Variants in CYP2U1 observed in about 807,000 individuals in gnomAD.
CYP2U1 encodes the protein cytochrome P450 family 2 subfamily U member 1.
In CYP2U1, 28 loss-of-function variants were observed where a neutral mutation model predicts 42.8. The ratio of observed to expected loss-of-function variants is 0.65; its 90% CI spans 0.48 to 0.90. The LOEUF is 0.90. CYP2U1 is among the 40% of genes least tolerant of loss of function. CYP2U1 has a pLI of 0.00. For synonymous variants in CYP2U1, 296 were observed against 278.9 expected, an observed-to-expected ratio of 1.06 and a Z score of -0.61; for missense variants, 642 against 693.8, an observed-to-expected ratio of 0.93 and a Z score of 0.84.
intron 1 of CYP2U1, among the ~76,000 whole-genome samples, chr4:107,941,537 G>A (rs972658858): frequency 6.6e-6 from 1 of 151,606 alleles, no homozygotes; most frequent in African/African-American, 2.4e-5. Context: ...GGGTAAAAAA[G>A]CAAGCAAATG....
chr4:107,945,727 T>A, intron 2 of CYP2U1, 122 bp downstream of exon 2: 2 of 1,271,836 alleles, frequency 1.6e-6, no homozygotes, highest in Non-Finnish European at 2.1e-6. Flanking sequence ...AAACAAATAC[T>A]TGCAACTCAT....
chr4:107,947,588 C>T (rs1269447030), intron 3 of CYP2U1, 51 bp downstream of exon 3: 11 of 1,596,778 alleles, frequency 6.9e-6, no homozygotes, highest in Non-Finnish European at 9.4e-6. Context: ...GCAGGGCCCT[C>T]TAATCCAGGG....
At chr4:107,934,259 C>T (rs1016802771) in intron 1 of CYP2U1, among the ~76,000 whole-genome samples, 1 of 151,636 alleles carries the variant, frequency 6.6e-6, no homozygotes, top group Non-Finnish European at 1.5e-5. Flanking sequence ...TGCTTCCCTA[C>T]CCTGCAGAAG....
At chr4:107,932,451 G>T (rs1733049898) in intron 1 of CYP2U1, among the ~76,000 whole-genome samples, 2 of 152,208 alleles carry the variant, frequency 1.3e-5, no homozygotes, top group African/African-American at 4.8e-5. Context: ...TCCAAAAGTA[G>T]CCTTCCCTTC....
chr4:107,945,252 G>T lies in CYP2U1; in HGVS notation c.773G>T (p.Gly258Val), dbSNP rs1733655299. The T allele has an allele frequency of 6.2e-7, 1 of 1,613,886 alleles. No homozygotes were observed. ...AAAATGCTTGGTTTTATGTCACGAG[G>T]CCTAGAAATCTGTCTGAACAGTCAA... is the stretch of plus-strand genomic sequence containing the variant. ...FKKMLGFMSR[G>V]LEICLNSQVL... Residue 258 changes from glycine to valine, a missense_variant, in exon 2 of 5, where the codon GGC becomes GTC. Transcript: ENST00000332884.
intron 1 of CYP2U1, 43 bp downstream of exon 1, chr4:107,932,176 A>C: frequency 1.3e-6 from 2 of 1,569,876 alleles, no homozygotes; most frequent in Non-Finnish European, 1.7e-6. Flanking sequence ...GATGCCGCGG[A>C]TGAGTCTCCA....
At chr4:107,948,436 C>A (rs1733788675) in intron 3 of CYP2U1, among the ~76,000 whole-genome samples, 1 of 151,670 alleles carries the variant, frequency 6.6e-6, no homozygotes, top group Non-Finnish European at 1.5e-5. Flanking sequence ...TGGTGGCACA[C>A]TTCTGTAGTC....
At position 107,947,619 on chromosome 4, in the gene CYP2U1, G is replaced by T. The variant is rs1733747517; in HGVS notation, c.1288+82G>T. 8 of 1,384,254 alleles carry T rather than the reference G, an allele frequency of 5.8e-6. No homozygotes were observed. The East Asian group carries it at 1.8e-4, about 32-fold the overall frequency. The allele number at this position is 1,384,254 out of a possible 1,614,324, so 85.7% of individuals were successfully genotyped here. On this transcript the variant is annotated intron_variant, in intron 3 of 4. Coordinates refer to ENST00000332884, the MANE Select transcript of CYP2U1 (RefSeq NM_183075.3). ...CAGGGTAGTTGAGGTGAGGGGTGTG[G>T]TGACTGTTGTCTAGCTTGATCCTTC...
intron 2 of CYP2U1, 106 bp from the exon 3 acceptor site, chr4:107,947,270 C>A: frequency 2.1e-6 from 2 of 971,154 alleles, no homozygotes; most frequent in Non-Finnish European, 3.1e-6. Context: ...GCCTGAACTG[C>A]CAACTGACCA....
At chr4:107,933,218 A>G (rs1216295650) in intron 1 of CYP2U1, among the ~76,000 whole-genome samples, 3 of 152,222 alleles carry the variant, frequency 2.0e-5, no homozygotes, top group South Asian at 2.1e-4. Context: ...AGAAAGTCTC[A>G]GTTTTGCAAG....
intron 1 of CYP2U1, among the ~76,000 whole-genome samples, chr4:107,933,964 T>C (rs6851693): frequency 6.6e-5 from 10 of 152,296 alleles, no homozygotes; most frequent in African/African-American, 2.2e-4. Context: ...ATTCATCCAT[T>C]GATAGACACT....
chr4:107,949,184 G>A (rs545004776), intron 3 of CYP2U1, among the ~76,000 whole-genome samples, 166 bp from the exon 4 acceptor site: 2 of 152,238 alleles, frequency 1.3e-5, no homozygotes, highest in East Asian at 1.9e-4. Context: ...GGAGAGGGAT[G>A]CCAGTTGGTA....
In CYP2U1 at chr4:107,947,398, A is replaced by T. The variant is rs1560702327; in HGVS notation, c.1149A>T (p.Glu383Asp). The T allele has an allele frequency of 6.2e-7, 1 of 1,614,090 alleles. No individual in the cohort carries two copies. The change falls in exon 3 of 5, where the codon GAA becomes GAT. Residue 383 changes from glutamate to aspartate, a missense_variant. By Grantham distance (45) the Glu-to-Asp change is conservative. Transcript: ENST00000332884. ...TAGAAAAGGTTCATGAAGAAATTGA[A>T]AGAGTCATTGGCGCCAACCGAGCTC... Reference protein sequence around the residue: ...DVQEKVHEEIERVIGANRAPS... With the variant: ...DVQEKVHEEIDRVIGANRAPS...
intron 1 of CYP2U1, chr4:107,939,160 C>CAAA (rs1260367367): frequency 3.3e-5 from 5 of 152,098 alleles, no homozygotes; most frequent in Admixed American, 2.0e-4. Context: ...GGCTCCGTCT[C>CAAA]AAAAAAATAA....
At position 107,949,376 on chromosome 4, in the gene CYP2U1, G is replaced by T; in HGVS notation, c.1315G>T (p.Gly439Cys). Residue 439 changes from glycine to cysteine, a missense_variant, in exon 4 of 5, where the codon GGC becomes TGC. By Grantham distance (159) the Gly-to-Cys change is radical. Transcript: ENST00000332884. Reference sequence around the variant, plus strand: ...GCTCCAAGGGTATACCATTCCTAAAGGCACATTGATCTTACCCAACCTGTG... The same window carrying T: ...GCTCCAAGGGTATACCATTCCTAAATGCACATTGATCTTACCCAACCTGTG... ...TVLQGYTIPK[G>C]TLILPNLWSV... The T allele has an allele frequency of 6.3e-7, 1 of 1,577,590 alleles. No homozygotes were observed. Among genetic ancestry groups the T allele is most frequent in the Non-Finnish European group, 8.6e-7 (1 of 1,162,792 alleles).
chr4:107,944,096 G>A (rs745820040), intron 1 of CYP2U1, among the ~76,000 whole-genome samples: 4 of 152,150 alleles, frequency 2.6e-5, no homozygotes, highest in Admixed American at 6.5e-5. Context: ...TTCTAATCTA[G>A]TTGGGCTATT....
chr4:107,949,899 G>A (rs1356512417), intron 4 of CYP2U1, among the ~76,000 whole-genome samples: 1 of 152,098 alleles, frequency 6.6e-6, no homozygotes, highest in Non-Finnish European at 1.5e-5. Context: ...GAGGCTCTAG[G>A]GATTCTTATC....
intron 3 of CYP2U1, among the ~76,000 whole-genome samples, 179 bp from the exon 4 acceptor site, chr4:107,949,171 C>T (rs559511520): frequency 1.6e-4 from 24 of 152,192 alleles, no homozygotes; most frequent in Non-Finnish European, 3.4e-4. Context: ...TGGAATGGTG[C>T]GGGGAGAGGG....
intron 1 of CYP2U1, among the ~76,000 whole-genome samples, chr4:107,934,469 T>G (rs1733177207): frequency 6.6e-6 from 1 of 152,222 alleles, no homozygotes; most frequent in African/African-American, 2.4e-5. Context: ...CCATCATTTC[T>G]AAGCTGATAC....
Sources: allele counts gnomAD v4.1 joint callset (sites outside exome capture counted in the v4.1 genomes callset), GRCh38; gene constraint gnomAD v4.1.1; transcripts MANE v1.5; gene names NCBI Gene and HGNC (gene_info 2026-07-23, HGNC 2026-07-21).